Variants in PDXDC1 observed in about 807,000 individuals in gnomAD.
PDXDC1 encodes pyridoxal dependent decarboxylase domain containing 1, also known as pyridoxal-dependent decarboxylase domain-containing protein 1.
In PDXDC1, 42 loss-of-function variants were observed where a neutral mutation model predicts 100.1. The observed-to-expected ratio is 0.42, with a 90% confidence interval of 0.33 to 0.54. The LOEUF is 0.54. Among genes scored for constraint, PDXDC1 ranks in the 20% least tolerant of loss-of-function variants. The pLI is 0.10. For missense variants in PDXDC1, 636 were observed against 979.2 expected (o/e 0.65, Z 4.68); for synonymous variants, 260 against 371.7 (o/e 0.70, Z 3.46).
downstream of PDXDC1, among the ~76,000 whole-genome samples, chr16:15,142,833 G>A (rs1036232183): frequency 6.6e-6 from 1 of 151,856 alleles, no homozygotes; most frequent in African/African-American, 2.4e-5. Flanking sequence ...TTCCCTGCAA[G>A]GATGGGGGAC....
At chr16:15,132,363 G>A (rs1363221840) in intron 16 of PDXDC1, among the ~76,000 whole-genome samples, 1 of 17,876 alleles carries the variant, frequency 5.6e-5, no homozygotes, top group Non-Finnish European at 1.7e-4. Context: ...GGGGGGAGGG[G>A]CAAGGGGAGG....
chr16:14,991,670 T>C (rs1432524414), intron 1 of PDXDC1, among the ~76,000 whole-genome samples: 1 of 152,208 alleles, frequency 6.6e-6, no homozygotes, highest in East Asian at 1.9e-4. Flanking sequence ...AGGCATGCAC[T>C]ACCATGCCCG....
intron 16 of PDXDC1, among the ~76,000 whole-genome samples, chr16:15,104,955 T>C (rs2046740798): frequency 1.3e-5 from 2 of 151,956 alleles, no homozygotes; most frequent in African/African-American, 4.8e-5. Flanking sequence ...TAAAGAAAAG[T>C]CACTGGGACA....
chr16:15,083,256 G>A (rs1412413374), intron 16 of PDXDC1, among the ~76,000 whole-genome samples: 2 of 152,094 alleles, frequency 1.3e-5, no homozygotes, highest in African/African-American at 4.8e-5. Flanking sequence ...AAAATTAGCT[G>A]GGCATGGTGG....
At chr16:15,102,501 G>A (rs1284741997) in intron 16 of PDXDC1, among the ~76,000 whole-genome samples, 2 of 149,644 alleles carry the variant, frequency 1.3e-5, no homozygotes, top group African/African-American at 2.4e-5. Flanking sequence ...GATCACTCCA[G>A]GAAGAGAGAG....
chr16:15,032,344 G>A (rs1458870148), intron 17 of PDXDC1: 1 of 179,594 alleles, frequency 5.6e-6, no homozygotes, highest in Non-Finnish European at 1.2e-5. Context: ...TCCAGACCTT[G>A]TATGGAACTA....
downstream of PDXDC1, among the ~76,000 whole-genome samples, chr16:15,140,560 T>C (rs1379050803): frequency 6.6e-6 from 1 of 151,356 alleles, no homozygotes; most frequent in African/African-American, 2.4e-5. Context: ...GAAGCACAAT[T>C]GGTCACAGCC....
intron 16 of PDXDC1, among the ~76,000 whole-genome samples, chr16:15,053,546 G>C (rs931727656): frequency 1.3e-4 from 20 of 152,292 alleles, no homozygotes; most frequent in East Asian, 1.9e-4. Context: ...AAGAATGGTT[G>C]TAGTCATACT....
chr16:15,088,168 G>A (rs1331591280), intron 16 of PDXDC1, among the ~76,000 whole-genome samples: 1 of 152,012 alleles, frequency 6.6e-6, no homozygotes, highest in South Asian at 2.1e-4. Context: ...CTTTAGTACT[G>A]AACTATTATT....
At chr16:15,150,140 C>A in the PDXDC1 span, among the ~76,000 whole-genome samples, 2 of 151,684 alleles carry the variant, frequency 1.3e-5, no homozygotes, top group Non-Finnish European at 2.9e-5. Flanking sequence ...GTCAGGAGAT[C>A]CAGACCATCC....
At chr16:15,142,279 G>A (rs973500959), downstream of PDXDC1, among the ~76,000 whole-genome samples, 3 of 152,126 alleles carry the variant, frequency 2.0e-5, no homozygotes, top group African/African-American at 7.2e-5. Flanking sequence ...CAGGCCTGGG[G>A]GTGCCATGGA....
intron 16 of PDXDC1, among the ~76,000 whole-genome samples, chr16:15,078,502 T>C (rs2045558155): frequency 6.6e-6 from 1 of 152,126 alleles, no homozygotes; most frequent in African/African-American, 2.4e-5. Flanking sequence ...AAAGACTACC[T>C]TCTAACCACT....
rs576157509 is a variant in PDXDC1 at position 15,020,066 on chromosome 16, C to T, written c.1089+1101C>T. On this transcript the variant is annotated intron_variant, in intron 12 of 22. Coordinates refer to ENST00000396410, the MANE Select transcript of PDXDC1 (RefSeq NM_015027.4). ...GGCAGAGCTTGCAGTGAGCCGAGAT[C>T]GCGCCACTGCACTCCAGCCTGGGTG... Among the ~76,000 whole-genome samples the T allele has an allele frequency of 2.4e-4, 33 of 138,760 alleles. No homozygotes were observed. In the South Asian group the frequency reaches 4.4e-3, roughly 19 times the overall value. 91.0% of individuals were successfully genotyped at this position (138,760 alleles called of 152,430 possible). A position where few individuals can be genotyped will look rare whatever the true frequency, so the allele number is the denominator to read the frequency against.
chr16:14,997,008 G>A (rs577617890), intron 1 of PDXDC1, among the ~76,000 whole-genome samples: 9 of 152,210 alleles, frequency 5.9e-5, no homozygotes, highest in African/African-American at 2.2e-4. Context: ...GGTACCCTGG[G>A]GCTGTGTACA....
intron 16 of PDXDC1, chr16:15,047,325 A>C: frequency 2.8e-6 from 2 of 715,104 alleles, no homozygotes; most frequent in Non-Finnish European, 5.0e-6. Flanking sequence ...TTCCAGGGGA[A>C]CGAGGCAGAC....
chr16:15,110,126 C>A (rs530623935), intron 16 of PDXDC1, among the ~76,000 whole-genome samples: 42 of 146,960 alleles, frequency 2.9e-4, no homozygotes, highest in Middle Eastern at 3.6e-3. Context: ...GCCTGGGCAA[C>A]ACGAGCAAAG....
At chr16:15,011,086 A>C (rs1359314482) in intron 8 of PDXDC1, among the ~76,000 whole-genome samples, 2 of 152,298 alleles carry the variant, frequency 1.3e-5, no homozygotes, top group Non-Finnish European at 2.9e-5. Flanking sequence ...GCTAATTCTA[A>C]AGTTTATATA....
intron 16 of PDXDC1, chr16:15,125,463 C>A: frequency 1.1e-6 from 1 of 900,308 alleles, no homozygotes; most frequent in Non-Finnish European, 1.9e-6. Flanking sequence ...GCCACAGACA[C>A]CCAGCAAGGA....
At chr16:15,078,488 C>T (rs2045557702) in intron 16 of PDXDC1, among the ~76,000 whole-genome samples, 1 of 152,118 alleles carries the variant, frequency 6.6e-6, no homozygotes, top group Non-Finnish European at 1.5e-5. Context: ...CTCCAGAAAG[C>T]AACAAAGACT....
Sources: gnomAD v4.1 joint callset for allele counts (sites outside exome capture counted in the v4.1 genomes callset) on GRCh38, gnomAD v4.1.1 for gene constraint, MANE v1.5 for transcripts, NCBI Gene and HGNC (gene_info 2026-07-23, HGNC 2026-07-21) for gene names.